The following NKAIN2 variants were observed in gnomAD, a reference collection of about 807,000 sequenced individuals.
NKAIN2 encodes the protein sodium/potassium transporting ATPase interacting 2.
NKAIN2 carries 14 observed loss-of-function variants against 32.6 expected under a neutral mutation model. The observed-to-expected ratio is 0.43, with a 90% CI of 0.28 to 0.67. NKAIN2 has a LOEUF of 0.67. Ranked by LOEUF, NKAIN2 falls within the 30% of genes least tolerant of loss-of-function variation. The probability of loss-of-function intolerance (pLI) is 0.17; values close to 1 mark genes in which losing one functional copy is unlikely to be tolerated. For missense variants in NKAIN2, 198 were observed against 258.3 expected, an observed-to-expected ratio of 0.77 and a Z score of 1.60; for synonymous variants, 80 against 87.2, an observed-to-expected ratio of 0.92 and a Z score of 0.46.
At chr6:124,706,705 C>A (rs889281403) in intron 4 of NKAIN2, among the ~76,000 whole-genome samples, 4 of 152,080 alleles carry the variant, frequency 2.6e-5, no homozygotes, top group African/African-American at 9.7e-5. Context: ...ACATGGATGC[C>A]ACAACAACAT....
At chr6:124,139,143 C>A (rs1787008581) in intron 1 of NKAIN2, among the ~76,000 whole-genome samples, 1 of 131,562 alleles carries the variant, frequency 7.6e-6, no homozygotes. Flanking sequence ...CTGCGGACTG[C>A]AGTGGCGCAA....
chr6:123,982,045 T>C (rs542641202), intron 1 of NKAIN2, among the ~76,000 whole-genome samples: 2 of 152,344 alleles, frequency 1.3e-5, no homozygotes, highest in South Asian at 4.1e-4. Flanking sequence ...AGGTTAAGTC[T>C]AGCAAAAATA....
intron 1 of NKAIN2, among the ~76,000 whole-genome samples, chr6:124,012,675 T>C (rs983678511): frequency 3.3e-5 from 5 of 152,306 alleles, no homozygotes; most frequent in Non-Finnish European, 5.9e-5. Flanking sequence ...TTGCTTTTTC[T>C]CGATGAGTTG....
intron 1 of NKAIN2, among the ~76,000 whole-genome samples, chr6:124,095,826 G>T (rs1784626428): frequency 6.6e-6 from 1 of 152,058 alleles, no homozygotes; most frequent in Non-Finnish European, 1.5e-5. Flanking sequence ...CTATTCCCCT[G>T]AGTACTTTTA....
chr6:124,099,496 A>G (rs1284603487), intron 1 of NKAIN2, among the ~76,000 whole-genome samples: 1 of 152,206 alleles, frequency 6.6e-6, no homozygotes, highest in East Asian at 1.9e-4. Context: ...AATTATATAT[A>G]CCAATGTAAA....
chr6:124,602,024 G>A (rs1386184350), intron 3 of NKAIN2, among the ~76,000 whole-genome samples: 2 of 151,886 alleles, frequency 1.3e-5, no homozygotes, highest in Admixed American at 1.3e-4. Context: ...CATTGTGTAG[G>A]CATCACAGGA....
intron 3 of NKAIN2, among the ~76,000 whole-genome samples, chr6:124,655,230 C>T (rs1192725517): frequency 6.6e-6 from 1 of 152,030 alleles, no homozygotes; most frequent in Non-Finnish European, 1.5e-5. Flanking sequence ...ATGATGATAG[C>T]TGTGTTCCCA....
intron 1 of NKAIN2, among the ~76,000 whole-genome samples, chr6:124,160,438 A>G (rs1429346701): frequency 6.6e-6 from 1 of 152,190 alleles, no homozygotes; most frequent in Admixed American, 6.6e-5. Flanking sequence ...TATTTTCTAC[A>G]TTAAATTTAT....
At chr6:124,202,398 C>A (rs1459736924) in intron 1 of NKAIN2, among the ~76,000 whole-genome samples, 7 of 151,826 alleles carry the variant, frequency 4.6e-5, no homozygotes, top group Admixed American at 4.6e-4. Context: ...TTTTTATGCA[C>A]TGGAGTTAGG....
intron 3 of NKAIN2, among the ~76,000 whole-genome samples, chr6:124,415,858 T>A (rs1241356206): frequency 1.4e-5 from 2 of 144,962 alleles, no homozygotes; most frequent in African/African-American, 5.0e-5. Context: ...CTTTTTTTTT[T>A]AATTTGCTTT....
At chr6:124,473,372 T>A (rs571928714) in intron 3 of NKAIN2, among the ~76,000 whole-genome samples, 41 of 152,292 alleles carry the variant, frequency 2.7e-4, no homozygotes, top group African/African-American at 9.6e-4. Context: ...GAATTTGAAA[T>A]AAGGTACCCC....
intron 3 of NKAIN2, among the ~76,000 whole-genome samples, chr6:124,419,735 ATTTTTCAGATC>A (rs1330723032): frequency 3.3e-5 from 5 of 152,068 alleles, no homozygotes; most frequent in Non-Finnish European, 7.4e-5. Context: ...TTTCTGAATT[ATTTTTCAGATC>A]TAGTAATACT....
intron 3 of NKAIN2, among the ~76,000 whole-genome samples, chr6:124,562,927 CAG>C (rs1780752628): frequency 7.4e-6 from 1 of 135,112 alleles, no homozygotes; most frequent in Admixed American, 7.9e-5. Flanking sequence ...TTTTTTGAGA[CAG>C]AGTCTCACAC....
chr6:124,126,535 T>G (rs1382729241), intron 1 of NKAIN2, among the ~76,000 whole-genome samples: 1 of 152,180 alleles, frequency 6.6e-6, no homozygotes, highest in East Asian at 1.9e-4. Context: ...ATGGTCTTAT[T>G]GAAAGCCACC....
chr6:123,953,559 T>G (rs573081730), intron 1 of NKAIN2, among the ~76,000 whole-genome samples: 1 of 152,216 alleles, frequency 6.6e-6, no homozygotes, highest in South Asian at 2.1e-4. Context: ...AGATGGTTTG[T>G]GCATATGTGT....
chr6:124,133,421 G>C (rs1402297702), intron 1 of NKAIN2, among the ~76,000 whole-genome samples: 1 of 152,072 alleles, frequency 6.6e-6, no homozygotes, highest in African/African-American at 2.4e-5. Flanking sequence ...CACTCTGATA[G>C]AACCTCAGCA....
At chr6:124,515,592 T>C (rs1778876862) in intron 3 of NKAIN2, among the ~76,000 whole-genome samples, 1 of 152,036 alleles carries the variant, frequency 6.6e-6, no homozygotes, top group African/African-American at 2.4e-5. Flanking sequence ...TCTATCCCCA[T>C]GACCCAAAGA....
chr6:124,780,863 T>A (rs1338128947), intron 4 of NKAIN2, among the ~76,000 whole-genome samples: 5 of 152,142 alleles, frequency 3.3e-5, no homozygotes, highest in African/African-American at 1.2e-4. Flanking sequence ...TATAAAATCA[T>A]GATGAGTCGG....
chr6:124,492,197 C>T (rs1435820191), intron 3 of NKAIN2, among the ~76,000 whole-genome samples: 2 of 151,870 alleles, frequency 1.3e-5, no homozygotes, highest in African/African-American at 2.4e-5. Flanking sequence ...TTATTTTTCT[C>T]TAAAGATATT....
Sources: allele counts gnomAD v4.1 joint callset (sites outside exome capture counted in the v4.1 genomes callset), GRCh38; gene constraint gnomAD v4.1.1; transcripts MANE v1.5; gene names NCBI Gene and HGNC (gene_info 2026-07-23, HGNC 2026-07-21).